POLR1A: variants seen among roughly 807,000 people sequenced by gnomAD.
POLR1A encodes the protein DNA-directed RNA polymerase I subunit RPA1.
Under a neutral mutation model 205.3 loss-of-function variants are expected in POLR1A, and 84 were observed. The observed-to-expected ratio is 0.41, with a 90% CI of 0.34 to 0.49. POLR1A has a LOEUF of 0.49. POLR1A is among the 20% of genes least tolerant of loss of function. POLR1A has a pLI of 0.22. For missense variants in POLR1A, 1,645 were observed against 2,204.5 expected, an observed-to-expected ratio of 0.75 and a Z score of 5.08; for synonymous variants, 799 against 863.7, an observed-to-expected ratio of 0.93 and a Z score of 1.31.
chr2:86,033,239 T>C (rs536144219), intron 28 of POLR1A, among the ~76,000 whole-genome samples: 1 of 152,392 alleles, frequency 6.6e-6, no homozygotes, highest in East Asian at 1.9e-4. Flanking sequence ...TGCTTCCAGA[T>C]ACCTCTCTGG....
intron 15 of POLR1A, 99 bp from the exon 16 acceptor site, chr2:86,053,099 C>T: frequency 1.2e-6 from 1 of 825,886 alleles, no homozygotes; most frequent in Non-Finnish European, 1.7e-6. Flanking sequence ...GTGCAAGTCC[C>T]TCTACTGTGA....
rs924088334 is a variant in POLR1A, at chr2:86,028,622, C to T, written c.4869G>A (p.Lys1623=). 1 of 1,614,052 alleles carries T rather than the reference C, an allele frequency of 6.2e-7. No homozygotes were observed. The highest frequency in any genetic ancestry group is 8.5e-7 in the Non-Finnish European group (1 of 1,179,876). ...GIEAALRVIE[K]EIKDVFAVYG... ...ACACGGCAAACACATCCTTGATCTCCTTCTCGATCACCCGCAGCGCGGCCT... is the reference window on the plus strand; with the variant it reads ...ACACGGCAAACACATCCTTGATCTCTTTCTCGATCACCCGCAGCGCGGCCT... Residue 1623 remains lysine, a synonymous_variant, in exon 32 of 34, where the codon AAG becomes AAA. Transcript: ENST00000263857. The surrounding 1 kb of genome is among the most constrained non-coding windows in gnomAD (Gnocchi z 4.5).
chr2:86,033,009 A>AC (rs1244342176), intron 28 of POLR1A, among the ~76,000 whole-genome samples: 1 of 152,140 alleles, frequency 6.6e-6, no homozygotes, highest in Non-Finnish European at 1.5e-5. Flanking sequence ...CACAACTGAG[A>AC]CCACAGAGCT....
In POLR1A at chr2:86,067,279, A is replaced by C. The variant is rs571829638; in HGVS notation, c.1867-1814T>G. On this transcript the variant is annotated intron_variant, in intron 13 of 33. Transcript: ENST00000263857. ...AGCTTTACTATTCTCCTTAATAGCA[A>C]AATGACATTACAATTAATGTCTCTG... Among the ~76,000 whole-genome samples the C allele has an allele frequency of 2.0e-5, 3 of 152,360 alleles. No homozygotes were observed. In the South Asian group the frequency reaches 6.2e-4, roughly 32 times the overall value.
Position 86,040,537 on chromosome 2 carries a change from T to C in POLR1A, c.3595A>G (p.Lys1199Glu). 4 of 1,591,186 alleles carry C rather than the reference T, an allele frequency of 2.5e-6. No individual in the cohort carries two copies. The highest frequency in any genetic ancestry group is 3.4e-6 in the Non-Finnish European group (4 of 1,167,986). Residue 1199 changes from lysine to glutamate, a missense_variant, in exon 25 of 34, where the codon AAG becomes GAG. Physicochemically the swap from Lys to Glu is moderately conservative, Grantham distance 56 (BLOSUM62 1). This residue lies in a region of POLR1A where 201 missense variants were observed against 222.3 expected (regional missense o/e 0.90). Coordinates refer to ENST00000263857, the MANE Select transcript of POLR1A (RefSeq NM_015425.6). ...GGCTCACACAGTGAGCGCTGCCACT[T>C]CAGCTGCAGCAAGGTCCTCAACCTA... is the stretch of plus-strand genomic sequence containing the variant. ...LDRLRTLLQL[K>E]WQRSLCEPGE...
In POLR1A at chr2:86,100,100, C is replaced by A; in HGVS notation, c.150G>T (p.Leu50=). ...DSLGNPSANG[L]YDLALGPADS... ...CTGCAGGGCCCAAAGCTAAATCGTA[C>A]AGGCCGTTTGCCGATGGGTTCCCCA... The change falls in exon 2 of 34, where the codon CTG becomes CTT. Residue 50 remains leucine (L), a synonymous_variant. Coordinates refer to ENST00000263857, the MANE Select transcript of POLR1A (RefSeq NM_015425.6). The A allele has an allele frequency of 6.2e-7, 1 of 1,614,224 alleles. No homozygotes were observed. Among genetic ancestry groups the A allele is most frequent in the Non-Finnish European group, 8.5e-7 (1 of 1,180,026 alleles).
At chr2:86,078,365 C>A in intron 9 of POLR1A, 81 bp from the exon 10 acceptor site, 1 of 1,151,028 alleles carries the variant, frequency 8.7e-7, no homozygotes, top group East Asian at 2.4e-5. Context: ...TCTTTCTTAC[C>A]CTGGATCTGA....
rs1690219083 is a variant in POLR1A at position 86,024,372 on chromosome 2, G to C, written c.*3051C>G. Reference sequence around the variant, plus strand: ...GGGGCTGGGGAGGTGGAAGGAATAGGGAGTTAGTGCTCAATGGATACAGAC... The same window carrying C: ...GGGGCTGGGGAGGTGGAAGGAATAGCGAGTTAGTGCTCAATGGATACAGAC... On this transcript the variant is annotated 3_prime_UTR_variant, in exon 34 of 34. Transcript: ENST00000263857. 1 of 155,564 alleles carries C rather than the reference G, an allele frequency of 6.4e-6. No individual in the cohort carries two copies. Among genetic ancestry groups the C allele is most frequent in the Non-Finnish European group, 1.4e-5 (1 of 69,862 alleles). The allele number at this position is 155,564 out of a possible 1,614,324, so 9.6% of individuals were successfully genotyped here.
chr2:86,047,563 G>A (rs1672731856), intron 18 of POLR1A, among the ~76,000 whole-genome samples: 1 of 152,190 alleles, frequency 6.6e-6, no homozygotes, highest in Non-Finnish European at 1.5e-5. Flanking sequence ...GAAGTAGAGG[G>A]GCTGGCAGAT....
intron 13 of POLR1A, 112 bp from the exon 14 acceptor site, chr2:86,065,577 CCT>C: frequency 1.2e-6 from 1 of 851,264 alleles, no homozygotes. Flanking sequence ...TTCTTATATC[CCT>C]GTCTTGTCTT....
In POLR1A at chr2:86,070,383, A is replaced by G; in HGVS notation, c.1612-111T>C. On this transcript the variant is annotated intron_variant, in intron 12 of 33. Coordinates refer to ENST00000263857, the MANE Select transcript of POLR1A (RefSeq NM_015425.6). The surrounding 1 kb of genome is among the most constrained non-coding windows in gnomAD (Gnocchi z 4.4). ...AGGTGTGGCTTTTGTCTCACGTTCTAGTTAACTAAATGCAAGGGGAATTTT... is the reference window on the plus strand; with the variant it reads ...AGGTGTGGCTTTTGTCTCACGTTCTGGTTAACTAAATGCAAGGGGAATTTT... 8.5e-7 allele frequency: 1 copy of G among 1,176,004 alleles called. No homozygotes were observed. The highest frequency in any genetic ancestry group is 2.4e-5 in the East Asian group (1 of 41,856). The allele number at this position is 1,176,004 out of a possible 1,614,324, so 72.8% of individuals were successfully genotyped here.
At chr2:86,072,145 G>A (rs1006266606) in intron 12 of POLR1A, among the ~76,000 whole-genome samples, 1 of 152,212 alleles carries the variant, frequency 6.6e-6, no homozygotes, top group Admixed American at 6.5e-5. Flanking sequence ...GAAGCAGGGA[G>A]CAAAACCCTC....
At chr2:86,089,961 C>T (rs763494710) in intron 3 of POLR1A, 32 bp from the exon 4 acceptor site, 1 of 1,094,570 alleles carries the variant, frequency 9.1e-7, no homozygotes, top group Non-Finnish European at 1.4e-6. Context: ...TCCATTATCA[C>T]AGTAATGTAC....
At chr2:86,069,444 G>T (rs1673137038) in intron 13 of POLR1A, among the ~76,000 whole-genome samples, 1 of 152,174 alleles carries the variant, frequency 6.6e-6, no homozygotes, top group African/African-American at 2.4e-5. Context: ...CTAAGGAGAC[G>T]GGGGAGGAAG....
chr2:86,041,907 G>A lies in POLR1A; in HGVS notation c.3554C>T (p.Ser1185Leu), dbSNP rs765578364. 6.2e-7 allele frequency: 1 copy of A among 1,613,816 alleles called. No homozygotes were observed. The highest frequency in any genetic ancestry group is 8.5e-7 in the Non-Finnish European group (1 of 1,179,666). Reference protein sequence around the residue: ...AAQTEKSYEKSELSLDRLRTL... With the variant: ...AAQTEKSYEKLELSLDRLRTL... ...TCAATACCTGTCGAGAGAAAGCTCT[G>A]ATTTCTCATAACTCTTCTCTGTTTG... is the stretch of plus-strand genomic sequence containing the variant. The change falls in exon 24 of 34, where the codon TCA becomes TTA. Residue 1185 changes from serine to leucine, a missense_variant. Ser to Leu is a moderately radical substitution (Grantham distance 145, BLOSUM62 -2). Coordinates refer to ENST00000263857, the MANE Select transcript of POLR1A (RefSeq NM_015425.6).
In POLR1A at chr2:86,043,004, GT is replaced by G. The variant is rs1558766180; in HGVS notation, c.3326del (p.Asn1109ThrfsTer13). 1 of 1,614,102 alleles carries G rather than the reference GT, an allele frequency of 6.2e-7. No individual in the cohort carries two copies. ...AVKALKLESE[N>X]RNGRSPGTQE... is the part of the protein sequence containing the mutation. The stretch of plus-strand genomic sequence containing the variant: ...GAGTCCCAGGGCTGCGGCCATTGCG[GT>G]TTTCACTCTCAAGTTTCAGGGCTTT... On this transcript the variant is annotated frameshift_variant, in exon 23 of 34. Coordinates refer to ENST00000263857, the MANE Select transcript of POLR1A (RefSeq NM_015425.6). LOFTEE classifies it high-confidence loss of function.
At chr2:86,052,593 A>G (rs1457405534) in intron 16 of POLR1A, among the ~76,000 whole-genome samples, 1 of 152,248 alleles carries the variant, frequency 6.6e-6, no homozygotes, top group African/African-American at 2.4e-5. Context: ...CATATGGTCT[A>G]CAAAGGAAAA....
intron 27 of POLR1A, among the ~76,000 whole-genome samples, chr2:86,034,237 C>T (rs1423954616): frequency 6.6e-6 from 1 of 152,200 alleles, no homozygotes; most frequent in Admixed American, 6.5e-5. Context: ...GCAGAATCTA[C>T]TGTAGGAGAG....
At chr2:86,072,232 C>T (rs942587189) in intron 12 of POLR1A, among the ~76,000 whole-genome samples, 2 of 152,192 alleles carry the variant, frequency 1.3e-5, no homozygotes, top group Admixed American at 6.5e-5. Context: ...AAACCTTCCC[C>T]TCCCCATTGC....
Sources: gnomAD v4.1 joint callset for allele counts (sites outside exome capture counted in the v4.1 genomes callset) on GRCh38, gnomAD v4.1.1 for gene constraint, gnomAD v4.1.1 regional missense constraint, Gnocchi (gnomAD v3.1) non-coding constraint, MANE v1.5 for transcripts, NCBI Gene and HGNC (gene_info 2026-07-23, HGNC 2026-07-21) for gene names.